The following PRIM2 variants were observed in gnomAD, a reference collection of about 807,000 sequenced individuals.
PRIM2 encodes the protein DNA primase large subunit.
A neutral mutation model predicts 67.3 loss-of-function variants in PRIM2; 39 were observed. The ratio of observed to expected loss-of-function variants is 0.58; its 90% CI spans 0.45 to 0.76. The LOEUF is 0.76. PRIM2 is among the 30% of genes least tolerant of loss of function. PRIM2 has a pLI of 0.00. For missense variants in PRIM2, 398 were observed against 598.7 expected, an observed-to-expected ratio of 0.66 and a Z score of 3.50; for synonymous variants, 143 against 198.7, an observed-to-expected ratio of 0.72 and a Z score of 2.36.
intron 5 of PRIM2, among the ~76,000 whole-genome samples, chr6:57,338,934 A>G (rs1430739662): frequency 6.6e-6 from 1 of 152,226 alleles, no homozygotes; most frequent in Non-Finnish European, 1.5e-5. Flanking sequence ...TGCAGATGAC[A>G]TGATTGTATA....
intron 7 of PRIM2, among the ~76,000 whole-genome samples, chr6:57,454,446 A>T (rs1282214473): frequency 6.6e-6 from 1 of 152,104 alleles, no homozygotes; most frequent in African/African-American, 2.4e-5. Flanking sequence ...TAAGGTATTA[A>T]TTATTGCCTC....
intron 5 of PRIM2, among the ~76,000 whole-genome samples, chr6:57,341,043 A>G (rs1023284949): frequency 4.6e-5 from 7 of 152,212 alleles, no homozygotes; most frequent in Admixed American, 3.9e-4. Flanking sequence ...GAGGTGCATT[A>G]TAATGAACCT....
At chr6:57,246,085 A>G in the PRIM2 span, among the ~76,000 whole-genome samples, 1 of 152,172 alleles carries the variant, frequency 6.6e-6, no homozygotes. Flanking sequence ...ACACTGTAAA[A>G]AACTCCAGTT....
the PRIM2 span, among the ~76,000 whole-genome samples, chr6:57,296,660 C>T: frequency 2.6e-5 from 4 of 151,418 alleles, no homozygotes; most frequent in African/African-American, 4.9e-5. Flanking sequence ...GTGGTGTGTG[C>T]GTGTCTGTGC....
At chr6:57,493,167 A>G (rs1554346127) in intron 7 of PRIM2, among the ~76,000 whole-genome samples, 1 of 152,162 alleles carries the variant, frequency 6.6e-6, no homozygotes, top group Non-Finnish European at 1.5e-5. Context: ...TCTTGCTCCT[A>G]TTAGTGAGTA....
upstream of PRIM2, among the ~76,000 whole-genome samples, chr6:57,312,129 C>A (rs1195058549): frequency 6.6e-6 from 1 of 151,502 alleles, no homozygotes; most frequent in African/African-American, 2.4e-5. Context: ...CTAACAATGA[C>A]CCTGTGTTAA....
chr6:57,601,353 A>G lies in PRIM2; in HGVS notation c.1147+134A>G, dbSNP rs1282865235. 1.0e-3 allele frequency: 944 copies of G among 912,114 alleles called. 7 individuals are homozygous for G. The East Asian group carries it at 0.019, about 19-fold the overall frequency. The allele number at this position is 912,114 out of a possible 1,614,324, so 56.5% of individuals were successfully genotyped here. On this transcript the variant is annotated intron_variant, in intron 11 of 13. Transcript: ENST00000615550. ...TATCTTATCTCAGTCGTCACTGTCAAGCTAGAGCTCCATTACTCTTAGAAC... is the reference window on the plus strand; with the variant it reads ...TATCTTATCTCAGTCGTCACTGTCAGGCTAGAGCTCCATTACTCTTAGAAC...
chr6:57,316,661 C>G (rs1767491198), upstream of PRIM2, among the ~76,000 whole-genome samples: 1 of 152,220 alleles, frequency 6.6e-6, no homozygotes, highest in African/African-American at 2.4e-5. Flanking sequence ...CATTCCAGCA[C>G]ATTTGTAAGC....
the PRIM2 span, among the ~76,000 whole-genome samples, chr6:57,240,107 T>TG: frequency 1.6e-3 from 228 of 145,498 alleles, 2 homozygotes; most frequent in Middle Eastern, 3.5e-3. Context: ...TTTTTTTTTT[T>TG]TTTTTTTTTG....
At chr6:57,227,512 C>T in the PRIM2 span, among the ~76,000 whole-genome samples, 3 of 152,036 alleles carry the variant, frequency 2.0e-5, no homozygotes, top group South Asian at 6.2e-4. Flanking sequence ...GGCGTTGTGG[C>T]GCACGCCTGT....
chr6:57,464,425 G>A (rs529601486), intron 7 of PRIM2, among the ~76,000 whole-genome samples: 1 of 151,904 alleles, frequency 6.6e-6, no homozygotes, highest in African/African-American at 2.4e-5. Context: ...TTACAGGCAC[G>A]TGCCACCACA....
intron 10 of PRIM2, among the ~76,000 whole-genome samples, chr6:57,585,588 C>A (rs1776173852): frequency 6.6e-6 from 1 of 152,034 alleles, no homozygotes; most frequent in Non-Finnish European, 1.5e-5. Flanking sequence ...GATACCAAGG[C>A]GGGTGTTGGA....
chr6:57,560,633 A>G (rs1483570243), intron 10 of PRIM2, among the ~76,000 whole-genome samples: 1 of 149,594 alleles, frequency 6.7e-6, no homozygotes, highest in South Asian at 2.1e-4. Flanking sequence ...TCCTTGATCC[A>G]TGGGCAGCAG....
chr6:57,598,139 A>T (rs2127490613), intron 10 of PRIM2, among the ~76,000 whole-genome samples: 1 of 152,326 alleles, frequency 6.6e-6, no homozygotes, highest in African/African-American at 2.4e-5. Flanking sequence ...ACTATTTAAC[A>T]AGTGTTGCTT....
rs1469085663 is a variant in PRIM2 at position 57,579,878 on chromosome 6, G to T, written c.1021-21215G>T. Among the ~76,000 whole-genome samples, 193 of 152,020 alleles carry T rather than the reference G, an allele frequency of 1.3e-3. 1 individual carries two copies. The highest frequency in any genetic ancestry group is 4.2e-3 in the African/African-American group (174 of 41,478). ...CAATGTTATACAAAATGCAGTACAA[G>T]GAGAAAAGTATTAAAATGGACAAAG... On this transcript the variant is annotated intron_variant, in intron 10 of 13. Transcript: ENST00000615550.
chr6:57,343,152 T>G (rs1768549045), intron 5 of PRIM2, among the ~76,000 whole-genome samples: 2 of 152,196 alleles, frequency 1.3e-5, no homozygotes, highest in African/African-American at 2.4e-5. Context: ...CTTTTGGTAT[T>G]CTGTCTTGAT....
At position 57,418,383 on chromosome 6, in the gene PRIM2, G is replaced by GGTTTTTTTTTTTTTTTTTTTTTTT. The variant is rs1554336216; in HGVS notation, c.693+36215_693+36216insGTTTTTTTTTTTTTTTTTTTTTTT. Among the ~76,000 whole-genome samples the GGTTTTTTTTTTTTTTTTTTTTTTT allele has an allele frequency of 8.5e-5, 4 of 47,234 alleles. 1 individual carries two copies. Among genetic ancestry groups the GGTTTTTTTTTTTTTTTTTTTTTTT allele is most frequent in the Non-Finnish European group, 8.6e-5 (2 of 23,318 alleles). 31.0% of individuals were successfully genotyped at this position (47,234 alleles called of 152,430 possible). On this transcript the variant is annotated intron_variant, in intron 7 of 13. Transcript: ENST00000615550. ...TAAGGTAATGTTTCCTATGTGTGTG[G>GGTTTTTTTTTTTTTTTTTTTTTTT]TTTTTTTTTTTTTTTTTTTTTTTTT...
rs1777071638 is a variant in PRIM2, at chr6:57,633,755, C to G, written c.1299+1554C>G. ...TGCATGCGGGGTTCACAATAGGGTT[C>G]ACACCCGCATGAGAATCTAAGGCCA... On this transcript the variant is annotated intron_variant, in intron 13 of 13. Transcript: ENST00000615550. 2.0e-5 allele frequency among the ~76,000 whole-genome samples: 3 copies of G among 152,088 alleles called. No individual in the cohort carries two copies. The South Asian group carries it at 6.2e-4, about 32-fold the overall frequency.
At chr6:57,258,138 C>T in the PRIM2 span, among the ~76,000 whole-genome samples, 3 of 152,258 alleles carry the variant, frequency 2.0e-5, no homozygotes, top group Middle Eastern at 3.4e-3. Flanking sequence ...AGAAACAAGA[C>T]ATTCGACTGT....
Sources: allele counts gnomAD v4.1 joint callset (sites outside exome capture counted in the v4.1 genomes callset), GRCh38; gene constraint gnomAD v4.1.1; transcripts MANE v1.5; gene names NCBI Gene and HGNC (gene_info 2026-07-23, HGNC 2026-07-21).